GRAMD1B: variants seen among roughly 807,000 people sequenced by gnomAD.
GRAMD1B encodes the protein GRAM domain containing 1B, also known as protein Aster-B.
GRAMD1B carries 37 observed loss-of-function variants against 99.7 expected under a neutral mutation model. The ratio of observed to expected loss-of-function variants is 0.37; its 90% confidence interval spans 0.29 to 0.49. The LOEUF is 0.49. Among genes scored for constraint, GRAMD1B ranks in the 20% least tolerant of loss-of-function variants. GRAMD1B has a pLI of 0.98. For missense variants in GRAMD1B, 888 were observed against 1,009.2 expected (o/e 0.88, Z 1.63); for synonymous variants, 427 against 387.6 (o/e 1.10, Z -1.19).
At chr11:123,388,579 T>TG (rs1207752038) in intron 1 of GRAMD1B, among the ~76,000 whole-genome samples, 2 of 151,846 alleles carry the variant, frequency 1.3e-5, no homozygotes, top group Non-Finnish European at 2.9e-5. Flanking sequence ...GAGGCTGAGG[T>TG]GGGAGGATCA....
chr11:123,412,491 T>C (rs1425593751), intron 1 of GRAMD1B, among the ~76,000 whole-genome samples: 2 of 152,196 alleles, frequency 1.3e-5, no homozygotes, highest in African/African-American at 4.8e-5. Flanking sequence ...CACAAGCCAG[T>C]GAATACAGAG....
chr11:123,598,235 TG>T (rs1951525568), intron 7 of GRAMD1B: 7 of 1,401,036 alleles, frequency 5.0e-6, no homozygotes, highest in Non-Finnish European at 7.1e-6. Context: ...ATCTCACAGT[TG>T]TAGTTGATAT....
chr11:123,489,156 G>A (rs1241169259), intron 2 of GRAMD1B, among the ~76,000 whole-genome samples: 1 of 151,994 alleles, frequency 6.6e-6, no homozygotes, highest in Non-Finnish European at 1.5e-5. Flanking sequence ...AAAAAAAATT[G>A]AAATCATGCC....
intron 1 of GRAMD1B, among the ~76,000 whole-genome samples, chr11:123,433,868 A>G (rs1949030540): frequency 6.6e-6 from 1 of 152,128 alleles, no homozygotes; most frequent in Admixed American, 6.5e-5. Context: ...TATCCTTAAA[A>G]TTTGGCAGGA....
intron 1 of GRAMD1B, among the ~76,000 whole-genome samples, chr11:123,466,548 C>T (rs999690406): frequency 2.0e-5 from 3 of 152,138 alleles, no homozygotes; most frequent in Admixed American, 1.3e-4. Context: ...CTGGCTTGCC[C>T]TGGGCTTAAG....
chr11:123,474,126 C>G (rs1951146413), intron 1 of GRAMD1B, among the ~76,000 whole-genome samples: 1 of 152,172 alleles, frequency 6.6e-6, no homozygotes, highest in African/African-American at 2.4e-5. Context: ...GACACACTAA[C>G]TGAATACTCA....
At chr11:123,564,715 A>C (rs940292419) in intron 2 of GRAMD1B, among the ~76,000 whole-genome samples, 1 of 152,152 alleles carries the variant, frequency 6.6e-6, no homozygotes, top group Non-Finnish European at 1.5e-5. Context: ...TGGATCCTGC[A>C]GGAATTCCTT....
chr11:123,577,658 C>A, intron 3 of GRAMD1B, 81 bp downstream of exon 3: 1 of 1,047,508 alleles, frequency 9.5e-7, no homozygotes. Flanking sequence ...CGGAGAACAT[C>A]TGCGAGGGTC....
At chr11:123,368,699 A>AAAAAG (rs1555106411) in intron 1 of GRAMD1B, among the ~76,000 whole-genome samples, 29 of 150,400 alleles carry the variant, frequency 1.9e-4, no homozygotes, top group Non-Finnish European at 3.1e-4. Context: ...AAAAAAAAAA[A>AAAAAG]AAAGAAAGAA....
chr11:123,614,895 C>G (rs961997437), intron 17 of GRAMD1B, 60 bp downstream of exon 17: 6 of 969,588 alleles, frequency 6.2e-6, no homozygotes, highest in Non-Finnish European at 8.1e-6. Context: ...AGCCTGGTGC[C>G]CCAGCCCTCG....
chr11:123,390,551 AT>A (rs542730124), intron 1 of GRAMD1B, among the ~76,000 whole-genome samples: 16 of 152,290 alleles, frequency 1.1e-4, no homozygotes, highest in Admixed American at 2.0e-4. Flanking sequence ...GATTCTCAGC[AT>A]TTTTTTACAT....
At chr11:123,387,227 A>T (rs942452394) in intron 1 of GRAMD1B, among the ~76,000 whole-genome samples, 1 of 152,192 alleles carries the variant, frequency 6.6e-6, no homozygotes, top group African/African-American at 2.4e-5. Flanking sequence ...GTCTGGCTTC[A>T]TGACTAATGG....
At chr11:123,429,133 C>T (rs1248662324), upstream of GRAMD1B, among the ~76,000 whole-genome samples, 3 of 152,136 alleles carry the variant, frequency 2.0e-5, no homozygotes, top group African/African-American at 2.4e-5. This position sits in a 1 kb window ranked among gnomAD's most constrained non-coding sequence, Gnocchi z 4.0. Context: ...TTCAAGGTTG[C>T]GGTGAGCCAT....
chr11:123,577,529 G>A lies in GRAMD1B; in HGVS notation c.615G>A (p.Gln205=). The part of the protein sequence containing the change: ...KSPSTPEQGV[Q]RSCSSQSGRS... The stretch of plus-strand genomic sequence containing the variant: ...CGTCCACACCGGAGCAGGGCGTGCA[G>A]CGCAGCTGCTCCTCCCAGTCCGGCC... Residue 205 remains glutamine, a synonymous_variant, in exon 3 of 20, where the codon CAG becomes CAA. Coordinates refer to ENST00000635736, the MANE Select transcript of GRAMD1B (RefSeq NM_001387025.1). 1 of 1,599,290 alleles carries A rather than the reference G, an allele frequency of 6.3e-7. No individual in the cohort carries two copies. Among genetic ancestry groups the A allele is most frequent in the Non-Finnish European group, 8.5e-7 (1 of 1,173,408 alleles).
intron 2 of GRAMD1B, among the ~76,000 whole-genome samples, chr11:123,545,766 A>T (rs946508083): frequency 7.3e-5 from 11 of 151,648 alleles, no homozygotes; most frequent in Non-Finnish European, 1.0e-4. Context: ...TTTTTGGTAA[A>T]CTAACTGGTC....
chr11:123,376,397 G>A (rs1946691700), intron 1 of GRAMD1B, among the ~76,000 whole-genome samples: 1 of 152,114 alleles, frequency 6.6e-6, no homozygotes, highest in South Asian at 2.1e-4. Context: ...TAGTGTTTAC[G>A]GGAACCAGGT....
intron 1 of GRAMD1B, among the ~76,000 whole-genome samples, chr11:123,420,689 CAGGG>C (rs1386754853): frequency 6.6e-6 from 1 of 152,150 alleles, no homozygotes; most frequent in African/African-American, 2.4e-5. Flanking sequence ...CAAACGATGA[CAGGG>C]AGAACTAGTC....
At chr11:123,612,213 G>T (rs1953695791) in intron 14 of GRAMD1B, among the ~76,000 whole-genome samples, 1 of 152,070 alleles carries the variant, frequency 6.6e-6, no homozygotes, top group Non-Finnish European at 1.5e-5. Context: ...CTACAGACAT[G>T]ACCCTGGCTA....
chr11:123,604,064 A>G (rs1375058741), intron 9 of GRAMD1B, among the ~76,000 whole-genome samples: 1 of 152,108 alleles, frequency 6.6e-6, no homozygotes, highest in African/African-American at 2.4e-5. Context: ...ACGGAGATGG[A>G]CAGTACTGTA....
Sources: allele counts gnomAD v4.1 joint callset (sites outside exome capture counted in the v4.1 genomes callset), GRCh38; gene constraint gnomAD v4.1.1; non-coding constraint Gnocchi (gnomAD v3.1); transcripts MANE v1.5; gene names NCBI Gene and HGNC (gene_info 2026-07-23, HGNC 2026-07-21).